RPTOR: variants seen among roughly 807,000 people sequenced by gnomAD.
RPTOR encodes regulatory-associated protein of mTOR.
In RPTOR, 21 loss-of-function variants were observed where a neutral mutation model predicts 169.9. The ratio of observed to expected loss-of-function variants is 0.12; its 90% confidence interval spans 0.09 to 0.18. RPTOR has a LOEUF of 0.18. RPTOR is among the 10% of genes least tolerant of loss of function. The pLI is 1.00. For synonymous variants in RPTOR, 732 were observed against 753.2 expected (o/e 0.97, Z 0.46); for missense variants, 1,133 against 1,855.9 (o/e 0.61, Z 7.16).
At position 80,638,600 on chromosome 17, in the gene RPTOR, A is replaced by C. The variant is rs1431106546; in HGVS notation, c.266-5128A>C. Reference sequence around the variant, plus strand: ...AAAATTATTGTAGAGACGGGGTCTCATTTTGTTGCCCAGGTTTAACATACT... The same window carrying C: ...AAAATTATTGTAGAGACGGGGTCTCCTTTTGTTGCCCAGGTTTAACATACT... On this transcript the variant is annotated intron_variant, in intron 2 of 33. Transcript: ENST00000306801. Among the ~76,000 whole-genome samples the C allele has an allele frequency of 3.3e-5, 5 of 151,934 alleles. No homozygotes were observed. The East Asian group carries it at 7.8e-4, about 24-fold the overall frequency.
At chr17:80,660,969 C>T (rs2065718987) in intron 3 of RPTOR, among the ~76,000 whole-genome samples, 2 of 152,228 alleles carry the variant, frequency 1.3e-5, no homozygotes, top group South Asian at 4.1e-4. Flanking sequence ...CCCAGCCCAG[C>T]TGCCCTTGGG....
At chr17:80,945,359 G>A (rs186208889) in intron 25 of RPTOR, among the ~76,000 whole-genome samples, 28 of 152,200 alleles carry the variant, frequency 1.8e-4, no homozygotes, top group Admixed American at 5.9e-4. Context: ...TTGGGAGGCC[G>A]AGGCGGGCAG....
chr17:80,896,359 C>CGGCCGCCCCG (rs1164374370), intron 20 of RPTOR, among the ~76,000 whole-genome samples: 2 of 150,286 alleles, frequency 1.3e-5, no homozygotes, highest in African/African-American at 4.9e-5. Context: ...ACACCCCACA[C>CGGCCGCCCCG]AGCCGCCCCG....
At chr17:80,892,209 T>G (rs2068334072) in intron 18 of RPTOR, among the ~76,000 whole-genome samples, 2 of 152,060 alleles carry the variant, frequency 1.3e-5, no homozygotes, top group Non-Finnish European at 2.9e-5. Context: ...ATGTCAGGCG[T>G]GCTTTCTCAC....
chr17:80,931,678 C>T (rs904995362), intron 24 of RPTOR, among the ~76,000 whole-genome samples: 1 of 152,230 alleles, frequency 6.6e-6, no homozygotes, highest in Non-Finnish European at 1.5e-5. Context: ...CTTCCATCTC[C>T]AGCAGGGCGA....
chr17:80,964,557 C>A lies in RPTOR; in HGVS notation c.*227C>A. On this transcript the variant is annotated 3_prime_UTR_variant, in exon 34 of 34. Transcript: ENST00000306801. ...GGCTCGGGTTGACGGTGGCTTCCCA[C>A]TGAGCACCAGCATCCAGGTGCACCC... 2 of 584,272 alleles carry A rather than the reference C, an allele frequency of 3.4e-6. No homozygotes were observed. The highest frequency in any genetic ancestry group is 6.1e-6 in the Non-Finnish European group (2 of 325,240). 36.2% of individuals were successfully genotyped at this position (584,272 alleles called of 1,614,324 possible). A position where few individuals can be genotyped will look rare whatever the true frequency, so the allele number is the denominator to read the frequency against.
At position 80,722,511 on chromosome 17, in the gene RPTOR, G is replaced by A. The variant is rs115449474; in HGVS notation, c.508-8049G>A. Among the ~76,000 whole-genome samples the A allele has an allele frequency of 4.9e-3, 734 of 150,986 alleles. 47 individuals are homozygous for A. Among genetic ancestry groups the A allele is most frequent in the African/African-American group, 0.018 (706 of 40,326 alleles). On this transcript the variant is annotated intron_variant, in intron 4 of 33. Coordinates refer to ENST00000306801, the MANE Select transcript of RPTOR (RefSeq NM_020761.3). ...GAGCTGAGGCAGCCGGAGACCTGGG[G>A]AGAGAGTGTGTGTTTGAGGGGAGAC... is the stretch of plus-strand genomic sequence containing the variant.
intron 31 of RPTOR, among the ~76,000 whole-genome samples, chr17:80,961,955 T>C (rs1460602330): frequency 6.6e-6 from 1 of 152,212 alleles, no homozygotes; most frequent in Non-Finnish European, 1.5e-5. Context: ...AGAGATGCTC[T>C]TTTCCCCCTT....
rs546193223 is a variant in RPTOR, at chr17:80,841,757, C to G, written c.1212+3760C>G. On this transcript the variant is annotated intron_variant, in intron 10 of 33. Transcript: ENST00000306801. ...GCAGCTCACTCTCCCCGCACGGCAGCTCACTCTCCCCGCACGGCAGCTCAC... is the reference window on the plus strand; with the variant it reads ...GCAGCTCACTCTCCCCGCACGGCAGGTCACTCTCCCCGCACGGCAGCTCAC... 7.0e-5 allele frequency among the ~76,000 whole-genome samples: 10 copies of G among 142,858 alleles called. No individual in the cohort carries two copies. In the East Asian group the frequency reaches 2.0e-3, roughly 28 times the overall value. 93.7% of individuals were successfully genotyped at this position (142,858 alleles called of 152,430 possible). A position where few individuals can be genotyped will look rare whatever the true frequency, so the allele number is the denominator to read the frequency against.
intron 6 of RPTOR, among the ~76,000 whole-genome samples, chr17:80,789,226 T>A (rs893941133): frequency 6.6e-6 from 1 of 152,248 alleles, no homozygotes; most frequent in Non-Finnish European, 1.5e-5. Context: ...TCTCTTGATT[T>A]TAGATAGTAT....
At chr17:80,770,725 C>T (rs946488730) in intron 6 of RPTOR, among the ~76,000 whole-genome samples, 2 of 152,206 alleles carry the variant, frequency 1.3e-5, no homozygotes, top group Admixed American at 6.5e-5. Flanking sequence ...CCTACTTACC[C>T]GCCTCAAACG....
intron 26 of RPTOR, among the ~76,000 whole-genome samples, chr17:80,946,038 G>T (rs1027650625): frequency 2.0e-5 from 3 of 152,172 alleles, no homozygotes; most frequent in Non-Finnish European, 2.9e-5. Flanking sequence ...GGTCAGAGGG[G>T]AGTGGCAGGG....
intron 28 of RPTOR, among the ~76,000 whole-genome samples, chr17:80,953,883 C>A (rs1013713621): frequency 6.6e-6 from 1 of 152,240 alleles, no homozygotes; most frequent in Non-Finnish European, 1.5e-5. Flanking sequence ...AGGAGCAGGG[C>A]TGCAAGTTGA....
Position 80,947,432 on chromosome 17 carries a change from T to G in RPTOR, c.3265+81T>G, listed in dbSNP as rs1300359624. On this transcript the variant is annotated intron_variant, in intron 27 of 33. Coordinates refer to ENST00000306801, the MANE Select transcript of RPTOR (RefSeq NM_020761.3). The surrounding 1 kb of genome is among the most constrained non-coding windows in gnomAD (Gnocchi z 4.4). ...GAGGGTGTGTGATCCTGAGATGTGT[T>G]TGTACATCTGTCTTACAGAAAGCCC... The G allele has an allele frequency of 1.0e-5, 15 of 1,433,810 alleles. No homozygotes were observed. Among genetic ancestry groups the G allele is most frequent in the African/African-American group, 1.5e-5 (1 of 68,168 alleles). The allele number at this position is 1,433,810 out of a possible 1,614,324, so 88.8% of individuals were successfully genotyped here.
intron 3 of RPTOR, among the ~76,000 whole-genome samples, chr17:80,644,710 C>T (rs932172878): frequency 2.6e-5 from 4 of 152,148 alleles, no homozygotes; most frequent in Admixed American, 1.3e-4. Flanking sequence ...ATCATTTATC[C>T]ACATGATGTG....
At chr17:80,765,741 T>G (rs1281596119) in intron 6 of RPTOR, among the ~76,000 whole-genome samples, 2 of 152,198 alleles carry the variant, frequency 1.3e-5, no homozygotes, top group Non-Finnish European at 2.9e-5. Flanking sequence ...TGTCCTGTTC[T>G]TTTTCTCTCG....
chr17:80,872,114 C>T (rs2068058344), intron 13 of RPTOR, among the ~76,000 whole-genome samples: 2 of 152,188 alleles, frequency 1.3e-5, no homozygotes. Flanking sequence ...CTAGGGAGCA[C>T]GTTTGTGAAG....
At chr17:80,675,014 G>C (rs999697833) in intron 3 of RPTOR, among the ~76,000 whole-genome samples, 2 of 152,174 alleles carry the variant, frequency 1.3e-5, no homozygotes, top group East Asian at 3.9e-4. Flanking sequence ...AAGGGCAGGA[G>C]ACACGCTGTG....
At chr17:80,828,005 T>C (rs2067463202) in intron 9 of RPTOR, among the ~76,000 whole-genome samples, 1 of 152,184 alleles carries the variant, frequency 6.6e-6, no homozygotes, top group Non-Finnish European at 1.5e-5. Flanking sequence ...CTTAGCGGCG[T>C]ACGTGCTGAG....
Sources: allele counts gnomAD v4.1 joint callset (sites outside exome capture counted in the v4.1 genomes callset), GRCh38; gene constraint gnomAD v4.1.1; non-coding constraint Gnocchi (gnomAD v3.1); transcripts MANE v1.5; gene names NCBI Gene and HGNC (gene_info 2026-07-23, HGNC 2026-07-21).